RIPK1: variants seen among roughly 807,000 people sequenced by gnomAD.
The protein encoded by RIPK1 is receptor-interacting serine/threonine-protein kinase 1.
Under a neutral mutation model 62.4 loss-of-function variants are expected in RIPK1, and 27 were observed. The observed-to-expected ratio is 0.43, with a 90% CI of 0.32 to 0.60. The LOEUF (loss-of-function observed/expected upper bound fraction) is 0.60. Among genes scored for constraint, RIPK1 ranks in the 20% least tolerant of loss-of-function variants. The pLI is 0.07. For synonymous variants in RIPK1, 287 were observed against 303.2 expected, an observed-to-expected ratio of 0.95 and a Z score of 0.55; for missense variants, 735 against 831.0, an observed-to-expected ratio of 0.88 and a Z score of 1.42.
rs1761110165 is a variant in RIPK1 at position 3,110,676 on chromosome 6, AG to A, written c.1577-126del. The A allele has an allele frequency of 1.1e-5, 6 of 533,224 alleles. No homozygotes were observed. The South Asian group carries it at 2.1e-4, about 19-fold the overall frequency. The allele number at this position is 533,224 out of a possible 1,614,324, so 33.0% of individuals were successfully genotyped here. ...GTTTAGCCAGATTTGAAAGAAGAAA[AG>A]TTTAAAGGGTGGCATAGGATAATTA... On this transcript the variant is annotated intron_variant, in intron 9 of 10. Coordinates refer to ENST00000259808, the MANE Select transcript of RIPK1 (RefSeq NM_001354930.2).
chr6:3,068,898 G>C (rs142899418), intron 1 of RIPK1: 1 of 162,932 alleles, frequency 6.1e-6, no homozygotes, highest in African/African-American at 2.4e-5. Context: ...GCGGCCGCGG[G>C]CTTCCCGGAA....
At chr6:3,094,575 T>C (rs893622240) in intron 7 of RIPK1, among the ~76,000 whole-genome samples, 1 of 137,362 alleles carries the variant, frequency 7.3e-6, no homozygotes, top group East Asian at 1.9e-4. Context: ...AATAAATAAA[T>C]ATTTCATATA....
intron 7 of RIPK1, among the ~76,000 whole-genome samples, chr6:3,096,956 T>A (rs1414048606): frequency 6.6e-6 from 1 of 152,054 alleles, no homozygotes; most frequent in African/African-American, 2.4e-5. Flanking sequence ...CTGAAACCTC[T>A]GCCTCCCGCG....
rs186617438 is a variant in RIPK1 at position 3,106,750 on chromosome 6, T to A, written c.1576+699T>A. ...GGCCAAATTCTCCAAAAACGTCCTA[T>A]GCAAACATCCTCGATTTCTTCCATA... On this transcript the variant is annotated intron_variant, in intron 9 of 10. Coordinates refer to ENST00000259808, the MANE Select transcript of RIPK1 (RefSeq NM_001354930.2). 2.4e-3 allele frequency among the ~76,000 whole-genome samples: 369 copies of A among 152,360 alleles called. 1 individual carries two copies. Among genetic ancestry groups the A allele is most frequent in the African/African-American group, 8.7e-3 (363 of 41,582 alleles).
At chr6:3,080,213 C>T (rs927095831) in intron 3 of RIPK1, among the ~76,000 whole-genome samples, 2 of 152,166 alleles carry the variant, frequency 1.3e-5, no homozygotes, top group African/African-American at 4.8e-5. Context: ...AACCAACGAC[C>T]AAAATACATA....
At chr6:3,086,940 A>G (rs1025263658) in intron 6 of RIPK1, among the ~76,000 whole-genome samples, 6 of 152,140 alleles carry the variant, frequency 3.9e-5, no homozygotes, top group Non-Finnish European at 7.4e-5. Context: ...GACCCCACCC[A>G]AAAGACACTC....
intron 9 of RIPK1, among the ~76,000 whole-genome samples, chr6:3,107,113 G>A (rs568358331): frequency 3.3e-5 from 5 of 152,112 alleles, no homozygotes; most frequent in African/African-American, 1.2e-4. Context: ...TTAGCCAGGC[G>A]TGGTGGCGCA....
intron 9 of RIPK1, 76 bp from the exon 10 acceptor site, chr6:3,110,727 G>C: frequency 1.1e-6 from 1 of 922,252 alleles, no homozygotes; most frequent in Non-Finnish European, 1.6e-6. Context: ...ATAAAGCCCT[G>C]CTTTTTTGCC....
At chr6:3,097,748 A>G (rs1760387072) in intron 7 of RIPK1, among the ~76,000 whole-genome samples, 1 of 152,188 alleles carries the variant, frequency 6.6e-6, no homozygotes, top group Non-Finnish European at 1.5e-5. Context: ...AATTTATAAA[A>G]TTTTAAATGA....
chr6:3,085,747 G>A (rs1318505688), intron 6 of RIPK1, among the ~76,000 whole-genome samples: 4 of 152,054 alleles, frequency 2.6e-5, no homozygotes, highest in South Asian at 2.1e-4. Context: ...ACTTTCCATC[G>A]TCTCTCTCCC....
intron 9 of RIPK1, among the ~76,000 whole-genome samples, chr6:3,107,561 GCAAAAA>G (rs1760923083): frequency 1.2e-5 from 1 of 81,814 alleles, no homozygotes; most frequent in Admixed American, 1.6e-4. Flanking sequence ...CGAGACTGTC[GCAAAAA>G]AAAAAAAAAA....
At chr6:3,085,788 T>A (rs1759656692) in intron 6 of RIPK1, among the ~76,000 whole-genome samples, 1 of 147,048 alleles carries the variant, frequency 6.8e-6, no homozygotes, top group Non-Finnish European at 1.5e-5. Flanking sequence ...CTACTTTCTG[T>A]CTCTGTGAAT....
upstream of RIPK1, among the ~76,000 whole-genome samples, chr6:3,067,776 CTT>C (rs1374121454): frequency 3.3e-5 from 5 of 149,946 alleles, no homozygotes; most frequent in East Asian, 5.9e-4. Context: ...GAATCTTGCT[CTT>C]GTCACCCAGG....
rs901347387 is a variant in RIPK1, at chr6:3,105,928, G to C, written c.1453G>C (p.Gly485Arg). Residue 485 changes from glycine to arginine, a missense_variant, in exon 9 of 11, where the codon GGT becomes CGT. Gly to Arg is a moderately radical substitution (Grantham distance 125, BLOSUM62 -2). Coordinates refer to ENST00000259808, the MANE Select transcript of RIPK1 (RefSeq NM_001354930.2). This position sits in a 1 kb window ranked among gnomAD's most constrained non-coding sequence, Gnocchi z 4.5. ...AAGACCACTGGATCCAGGAACAGCA[G>C]GTCCCAGAGTTTGGTACAGGCCAAT... ...GTRPLDPGTA[G>R]PRVWYRPIPS... 1.9e-6 allele frequency: 3 copies of C among 1,614,050 alleles called. No homozygotes were observed. The East Asian group carries it at 6.7e-5, about 36-fold the overall frequency.
intron 1 of RIPK1, among the ~76,000 whole-genome samples, chr6:3,073,302 A>G (rs1032072701): frequency 1.8e-4 from 28 of 151,742 alleles, no homozygotes; most frequent in African/African-American, 6.8e-4. Flanking sequence ...ATACGTATAC[A>G]TACATGAACG....
At chr6:3,078,115 C>T (rs944827147) in intron 3 of RIPK1, among the ~76,000 whole-genome samples, 180 bp downstream of exon 3, 3 of 152,120 alleles carry the variant, frequency 2.0e-5, no homozygotes, top group Non-Finnish European at 2.9e-5. Flanking sequence ...CCAGGCTGAA[C>T]TCCAACACCT....
intron 9 of RIPK1, among the ~76,000 whole-genome samples, chr6:3,109,735 A>G (rs1317001323): frequency 1.3e-5 from 2 of 152,320 alleles, no homozygotes; most frequent in African/African-American, 4.8e-5. Flanking sequence ...ATCTATCTAT[A>G]TAACTGTTTT....
rs1410413779 is a variant in RIPK1 at position 3,113,401 on chromosome 6, G to A, written c.*62G>A. ...ACTTAGTGGATAACCCCAGAAAGTT[G>A]GCTGCCTCAGAGCATTCAGAATTCT... is the stretch of plus-strand genomic sequence containing the variant. On this transcript the variant is annotated 3_prime_UTR_variant, in exon 11 of 11. Transcript: ENST00000259808. The surrounding 1 kb of genome is among the most constrained non-coding windows in gnomAD (Gnocchi z 5.0). 6.6e-7 allele frequency: 1 copy of A among 1,513,456 alleles called. No homozygotes were observed. The highest frequency in any genetic ancestry group is 1.4e-5 in the African/African-American group (1 of 72,218). The allele number at this position is 1,513,456 out of a possible 1,614,324, so 93.8% of individuals were successfully genotyped here. A position where few individuals can be genotyped will look rare whatever the true frequency, so the allele number is the denominator to read the frequency against.
chr6:3,065,587 C>G (rs1758347012), upstream of RIPK1, among the ~76,000 whole-genome samples: 1 of 151,702 alleles, frequency 6.6e-6, no homozygotes, highest in Admixed American at 6.6e-5. Flanking sequence ...CCAGGCTCAC[C>G]TGGAGGAGTC....
Sources: gnomAD v4.1 joint callset for allele counts (sites outside exome capture counted in the v4.1 genomes callset) on GRCh38, gnomAD v4.1.1 for gene constraint, Gnocchi (gnomAD v3.1) non-coding constraint, MANE v1.5 for transcripts, NCBI Gene and HGNC (gene_info 2026-07-23, HGNC 2026-07-21) for gene names.